Variants in CACNA1E observed in about 807,000 individuals in gnomAD.
CACNA1E encodes the protein calcium voltage-gated channel subunit alpha1 E, also known as voltage-dependent R-type calcium channel subunit alpha-1E.
Under a neutral mutation model 259.2 loss-of-function variants are expected in CACNA1E, and 40 were observed. The observed-to-expected ratio is 0.15, with a 90% CI of 0.12 to 0.20. CACNA1E has a LOEUF of 0.20. Ranked by LOEUF, CACNA1E falls within the 10% of genes least tolerant of loss-of-function variation. The probability of loss-of-function intolerance (pLI) is 1.00; values close to 1 mark genes in which losing one functional copy is unlikely to be tolerated. For missense variants in CACNA1E, 1,874 were observed against 3,040.1 expected (o/e 0.62, Z 9.02); for synonymous variants, 1,104 against 1,138.5 (o/e 0.97, Z 0.61).
chr1:181,406,398 CT>C (rs940808870), intron 1 of CACNA1E, among the ~76,000 whole-genome samples: 2 of 151,726 alleles, frequency 1.3e-5, no homozygotes, highest in Non-Finnish European at 2.9e-5. Context: ...ATCTACCTTT[CT>C]TTTTTTTCTT....
At chr1:181,784,531 G>A in intron 40 of CACNA1E, 130 bp from the exon 41 acceptor site, 1 of 611,010 alleles carries the variant, frequency 1.6e-6, no homozygotes, top group Non-Finnish European at 2.9e-6. Flanking sequence ...AAGATCCACT[G>A]TCACTCAGTG....
chr1:181,670,146 C>A (rs1190686139), intron 7 of CACNA1E, among the ~76,000 whole-genome samples: 2 of 152,136 alleles, frequency 1.3e-5, no homozygotes, highest in South Asian at 4.1e-4. Context: ...ACATTAGAGC[C>A]CCACATCATT....
At chr1:181,506,850 T>C (rs1665750563) in intron 1 of CACNA1E, among the ~76,000 whole-genome samples, 1 of 151,468 alleles carries the variant, frequency 6.6e-6, no homozygotes, top group Admixed American at 6.6e-5. Context: ...GGATGGTCTC[T>C]TCTGCTCACC....
chr1:181,659,339 G>A (rs577553703), intron 7 of CACNA1E, among the ~76,000 whole-genome samples: 18 of 152,288 alleles, frequency 1.2e-4, no homozygotes, highest in African/African-American at 4.3e-4. Flanking sequence ...GATTTAAAGA[G>A]GAAGTATGGA....
At chr1:181,353,240 A>G (rs140197826) in intron 1 of CACNA1E, among the ~76,000 whole-genome samples, 2 of 152,178 alleles carry the variant, frequency 1.3e-5, no homozygotes, top group Admixed American at 6.5e-5. Flanking sequence ...CACAGCATTT[A>G]ATGGGGGCCT....
intron 7 of CACNA1E, among the ~76,000 whole-genome samples, chr1:181,692,512 A>G (rs1480049101): frequency 3.3e-5 from 5 of 152,226 alleles, no homozygotes; most frequent in African/African-American, 9.6e-5. Context: ...ACCTACAGCC[A>G]TCTGATCTTC....
chr1:181,769,862 G>C (rs369844330), intron 35 of CACNA1E, among the ~76,000 whole-genome samples: 57 of 152,298 alleles, frequency 3.7e-4, no homozygotes, highest in African/African-American at 1.3e-3. Flanking sequence ...ATAAATGTCA[G>C]TGCCCTCCTG....
In CACNA1E at chr1:181,491,711, A is replaced by G. The variant is rs562830847; in HGVS notation, c.266+7701A>G. Among the ~76,000 whole-genome samples the G allele has an allele frequency of 1.2e-4, 18 of 152,372 alleles. No individual in the cohort carries two copies. The East Asian group carries it at 2.3e-3, about 20-fold the overall frequency. ...CATATTAAGCAAAATATATGTCATTATCAACTTTGAGTTAGTTTATCTTGT... is the reference window on the plus strand; with the variant it reads ...CATATTAAGCAAAATATATGTCATTGTCAACTTTGAGTTAGTTTATCTTGT... On this transcript the variant is annotated intron_variant, in intron 1 of 47. Coordinates refer to ENST00000367573, the MANE Select transcript of CACNA1E (RefSeq NM_001205293.3).
chr1:181,734,654 A>G (rs533155460), intron 21 of CACNA1E, among the ~76,000 whole-genome samples: 5 of 135,268 alleles, frequency 3.7e-5, no homozygotes, highest in Admixed American at 7.4e-5. Flanking sequence ...TCCCTGCATT[A>G]TGAATTCCAC....
At chr1:181,503,309 G>A (rs75719882) in intron 1 of CACNA1E, among the ~76,000 whole-genome samples, 1 of 152,350 alleles carries the variant, frequency 6.6e-6, no homozygotes, top group East Asian at 1.9e-4. Context: ...ACTGGAGCCA[G>A]ACTTCTGTGA....
At chr1:181,720,877 C>G in intron 15 of CACNA1E, 22 bp downstream of exon 15, 1 of 1,527,040 alleles carries the variant, frequency 6.5e-7, no homozygotes, top group Non-Finnish European at 9.1e-7. Context: ...GCTGACGGTT[C>G]ACAAGTGCTG....
intron 6 of CACNA1E, among the ~76,000 whole-genome samples, chr1:181,648,057 A>T (rs76391491): frequency 0.014 from 2,181 of 152,270 alleles, 61 homozygotes; most frequent in African/African-American, 0.05. Context: ...TTCTCCTTCT[A>T]GTTCCCATCC....
intron 6 of CACNA1E, among the ~76,000 whole-genome samples, chr1:181,590,846 G>C (rs1369746698): frequency 6.6e-6 from 1 of 152,046 alleles, no homozygotes; most frequent in Non-Finnish European, 1.5e-5. Context: ...GGTATCTGTG[G>C]ATGGGCTTTG....
At chr1:181,558,166 C>T (rs867294364) in intron 3 of CACNA1E, among the ~76,000 whole-genome samples, 1 of 152,188 alleles carries the variant, frequency 6.6e-6, no homozygotes, top group Non-Finnish European at 1.5e-5. Flanking sequence ...GAGAGGGTTA[C>T]TTTGTGTAGC....
intron 7 of CACNA1E, among the ~76,000 whole-genome samples, chr1:181,675,945 C>T (rs1237978243): frequency 2.0e-5 from 3 of 152,118 alleles, no homozygotes; most frequent in African/African-American, 7.2e-5. Context: ...CTCCGTTTCT[C>T]CTCCCTTTCC....
intron 1 of CACNA1E, among the ~76,000 whole-genome samples, chr1:181,396,220 C>T (rs561614314): frequency 9.8e-5 from 15 of 152,324 alleles, no homozygotes; most frequent in African/African-American, 2.9e-4. Context: ...GCACCCCAGA[C>T]GGAAGCCACA....
At chr1:181,789,421 C>T (rs2102864116) in intron 43 of CACNA1E, among the ~76,000 whole-genome samples, 1 of 152,282 alleles carries the variant, frequency 6.6e-6, no homozygotes, top group South Asian at 2.1e-4. Flanking sequence ...GCAATCCTTG[C>T]TCATGCCTTG....
intron 35 of CACNA1E, among the ~76,000 whole-genome samples, chr1:181,767,158 C>T (rs974432360): frequency 6.6e-6 from 1 of 152,162 alleles, no homozygotes; most frequent in African/African-American, 2.4e-5. Flanking sequence ...CCTGGCAGCC[C>T]GTTCATTCCT....
At chr1:181,652,287 A>AT (rs1386124115) in intron 7 of CACNA1E, among the ~76,000 whole-genome samples, 1 of 152,132 alleles carries the variant, frequency 6.6e-6, no homozygotes, top group Non-Finnish European at 1.5e-5. Flanking sequence ...AGATTCTTAT[A>AT]TTTTTCTAAG....
Sources: gnomAD v4.1 joint callset for allele counts (sites outside exome capture counted in the v4.1 genomes callset) on GRCh38, gnomAD v4.1.1 for gene constraint, MANE v1.5 for transcripts, NCBI Gene and HGNC (gene_info 2026-07-23, HGNC 2026-07-21) for gene names.